The following ABCB9 variants were observed in gnomAD, a reference collection of about 807,000 sequenced individuals.
ABCB9 encodes the protein ATP binding cassette subfamily B member 9, also known as ABC-type oligopeptide transporter ABCB9.
ABCB9 carries 36 observed loss-of-function variants against 62.0 expected under a neutral mutation model. The ratio of observed to expected loss-of-function variants is 0.58; its 90% CI spans 0.45 to 0.77. The LOEUF is 0.77. Ranked by LOEUF, ABCB9 falls within the 30% of genes least tolerant of loss-of-function variation. ABCB9 has a pLI of 0.00. For missense variants in ABCB9, 943 were observed against 1,054.7 expected, an observed-to-expected ratio of 0.89 and a Z score of 1.47; for synonymous variants, 435 against 461.4, an observed-to-expected ratio of 0.94 and a Z score of 0.73.
In ABCB9 at chr12:122,947,471, C is replaced by A. The variant is rs1217593136; in HGVS notation, c.1053+1153G>T. On this transcript the variant is annotated intron_variant, in intron 5 of 11. Transcript: ENST00000280560. The surrounding 1 kb of genome is among the most constrained non-coding windows in gnomAD (Gnocchi z 6.0). ...GGCTCCAATGGAGCTGCGACAATGA[C>A]TTACCCGGCACCACCTGGAGGCCGT... 1 of 454,890 alleles carries A rather than the reference C, an allele frequency of 2.2e-6. No individual in the cohort carries two copies. The highest frequency in any genetic ancestry group is 2.4e-5 in the Admixed American group (1 of 42,486). The allele number at this position is 454,890 out of a possible 1,614,324, so 28.2% of individuals were successfully genotyped here. A position where few individuals can be genotyped will look rare whatever the true frequency, so the allele number is the denominator to read the frequency against.
At chr12:122,945,366 G>A (rs1434237093) in intron 6 of ABCB9, among the ~76,000 whole-genome samples, 1 of 152,098 alleles carries the variant, frequency 6.6e-6, no homozygotes, top group African/African-American at 2.4e-5. Context: ...CATGATCCAA[G>A]TGCTCCCCAT....
Position 122,928,994 on chromosome 12 carries a change from AG to A in ABCB9, c.*916del. 2.0e-6 allele frequency: 2 copies of A among 985,872 alleles called. No individual in the cohort carries two copies. The highest frequency in any genetic ancestry group is 1.7e-5 in the African/African-American group (1 of 57,348). The allele number at this position is 985,872 out of a possible 1,614,324, so 61.1% of individuals were successfully genotyped here. A position where few individuals can be genotyped will look rare whatever the true frequency, so the allele number is the denominator to read the frequency against. On this transcript the variant is annotated 3_prime_UTR_variant, in exon 12 of 12. Coordinates refer to ENST00000280560, the MANE Select transcript of ABCB9 (RefSeq NM_019625.4). ...TTGGCCCAAGTAGAAGTCAGAGGTT[AG>A]GGGTAAGAGGTAGTACACTTTATTG... is the stretch of plus-strand genomic sequence containing the variant.
At position 122,959,879 on chromosome 12, in the gene ABCB9, C is replaced by G. The variant is rs2036801415; in HGVS notation, c.357G>C (p.Leu119=). The change falls in exon 2 of 12, where the codon CTG becomes CTC. Residue 119 remains leucine, a synonymous_variant. Transcript: ENST00000280560. This position sits in a 1 kb window ranked among gnomAD's most constrained non-coding sequence, Gnocchi z 5.4. ...RPIRDPWFWA[L]FVWTYISLGA... ...CGAGTGAAATGTACGTCCACACGAA[C>G]AGGGCCCAAAACCAGGGGTCCCGGA... The G allele has an allele frequency of 1.2e-6, 2 of 1,613,452 alleles. No individual in the cohort carries two copies. Among genetic ancestry groups the G allele is most frequent in the African/African-American group, 2.7e-5 (2 of 74,942 alleles).
upstream of ABCB9, chr12:122,966,509 C>T (rs2135936764): frequency 7.1e-6 from 1 of 141,796 alleles, no homozygotes. Context: ...GCCTCAGTGA[C>T]GGAGGGGGCG....
intron 9 of ABCB9, among the ~76,000 whole-genome samples, chr12:122,936,920 A>AT (rs2035486193): frequency 1.3e-5 from 2 of 151,002 alleles, no homozygotes; most frequent in Non-Finnish European, 3.0e-5. Flanking sequence ...AAAAAAAAAA[A>AT]TTGACCAGAT....
Position 122,950,511 on chromosome 12 carries a change from T to G in ABCB9, c.656A>C (p.Gln219Pro). The G allele has an allele frequency of 6.2e-7, 1 of 1,613,456 alleles. No individual in the cohort carries two copies. The highest frequency in any genetic ancestry group is 8.5e-7 in the Non-Finnish European group (1 of 1,179,998). The change falls in exon 3 of 12, where the codon CAG becomes CCG. Residue 219 changes from glutamine to proline, a missense_variant. Physicochemically the swap from Gln to Pro is moderately conservative, Grantham distance 76 (BLOSUM62 -1). Transcript: ENST00000280560. ...TGRAIDGIVI[Q>P]KSMDQFSTAV... ...CGTGCTGAACTGATCCATGCTTTTCTGGATGACGATGCCATCAATGGCGCG... is the reference window on the plus strand; with the variant it reads ...CGTGCTGAACTGATCCATGCTTTTCGGGATGACGATGCCATCAATGGCGCG...
intron 3 of ABCB9, 45 bp downstream of exon 3, chr12:122,950,406 C>A: frequency 6.5e-7 from 1 of 1,538,270 alleles, no homozygotes. Context: ...CTCCCTGGTG[C>A]AGGTCGGGGT....
chr12:122,966,261 A>G (rs2037169077), intron 1 of ABCB9, 26 bp downstream of exon 1: 1 of 152,182 alleles, frequency 6.6e-6, no homozygotes, highest in African/African-American at 2.4e-5. Context: ...TCCCAAAACC[A>G]GGGGTCTAGG....
upstream of ABCB9, among the ~76,000 whole-genome samples, chr12:122,967,757 G>T (rs1262570880): frequency 6.6e-6 from 1 of 152,190 alleles, no homozygotes; most frequent in East Asian, 1.9e-4. Context: ...CCAAACTGCT[G>T]GGATTAGAGT....
intron 6 of ABCB9, among the ~76,000 whole-genome samples, chr12:122,945,773 G>C (rs1344439063): frequency 6.6e-6 from 1 of 151,658 alleles, no homozygotes; most frequent in Admixed American, 6.6e-5. Flanking sequence ...AGCTATGCAG[G>C]AGGCTGAGGC....
intron 5 of ABCB9, chr12:122,946,596 T>C: frequency 3.6e-6 from 1 of 278,552 alleles, no homozygotes; most frequent in Non-Finnish European, 7.0e-6. Flanking sequence ...GGGGATGCCT[T>C]GGACGGTTGT....
At chr12:122,968,461 G>A (rs575097908), upstream of ABCB9, among the ~76,000 whole-genome samples, 34 of 152,168 alleles carry the variant, frequency 2.2e-4, no homozygotes, top group Non-Finnish European at 4.9e-4. Flanking sequence ...TAGGAGAGAT[G>A]GGATGACTGA....
In ABCB9 at chr12:122,964,782, C is replaced by T. The variant is rs1166755354; in HGVS notation, c.-88+1505G>A. Among the ~76,000 whole-genome samples the T allele has an allele frequency of 6.6e-6, 1 of 152,214 alleles. No homozygotes were observed. Among genetic ancestry groups the T allele is most frequent in the African/African-American group, 2.4e-5 (1 of 41,446 alleles). ...AGAATAGGCCCCACCCAGAACCGGA[C>T]AAGGCCCAGGAAGACAGGGGTGGCT... On this transcript the variant is annotated intron_variant, in intron 1 of 11. Transcript: ENST00000280560. The surrounding 1 kb of genome is among the most constrained non-coding windows in gnomAD (Gnocchi z 4.7).
intron 5 of ABCB9, among the ~76,000 whole-genome samples, chr12:122,946,649 C>T (rs564538596): frequency 6.6e-6 from 1 of 152,348 alleles, no homozygotes; most frequent in African/African-American, 2.4e-5. Context: ...ATTAAAGGGG[C>T]ACCATTTACA....
Position 122,950,536 on chromosome 12 carries a change from G to C in ABCB9, c.631C>G (p.Arg211Gly). The C allele has an allele frequency of 3.1e-6, 5 of 1,613,002 alleles. No homozygotes were observed. The South Asian group carries it at 5.5e-5, about 18-fold the overall frequency. ...TGGATGACGATGCCATCAATGGCGC[G>C]GCCCGTGTAGTAGGGCAGGAAGGTC... ...GETFLPYYTG[R>G]AIDGIVIQKS... Residue 211 changes from arginine to glycine, a missense_variant, in exon 3 of 12, where the codon CGC (arginine) becomes GGC (glycine). By Grantham distance (125) the Arg-to-Gly change is moderately radical. Coordinates refer to ENST00000280560, the MANE Select transcript of ABCB9 (RefSeq NM_019625.4).
At chr12:122,921,739 T>C (rs1419591680) in intron 11 of ABCB9, among the ~76,000 whole-genome samples, 1 of 152,126 alleles carries the variant, frequency 6.6e-6, no homozygotes, top group Non-Finnish European at 1.5e-5. Flanking sequence ...ATCGCGCCAC[T>C]GCACTCTACC....
downstream of ABCB9, among the ~76,000 whole-genome samples, chr12:122,925,947 T>C (rs1403187640): frequency 5.3e-5 from 8 of 152,154 alleles, no homozygotes; most frequent in Non-Finnish European, 8.8e-5. Context: ...TGCCACAACA[T>C]GGTTGGACCT....
At position 122,929,477 on chromosome 12, in the gene ABCB9, C is replaced by T. The variant is rs1461968671; in HGVS notation, c.*434G>A. 1 of 992,120 alleles carries T rather than the reference C, an allele frequency of 1.0e-6. No homozygotes were observed. The highest frequency in any genetic ancestry group is 1.2e-6 in the Non-Finnish European group (1 of 834,494). The allele number at this position is 992,120 out of a possible 1,614,324, so 61.5% of individuals were successfully genotyped here. On this transcript the variant is annotated 3_prime_UTR_variant, in exon 12 of 12. Coordinates refer to ENST00000280560, the MANE Select transcript of ABCB9 (RefSeq NM_019625.4). This position sits in a 1 kb window ranked among gnomAD's most constrained non-coding sequence, Gnocchi z 6.0. ...GGGGTAAAGGGGAGAGGCCTAGTCT[C>T]TGGACATCCCCCAGGCTACTAAGGA...
chr12:122,929,714 C>T lies in ABCB9; in HGVS notation c.*197G>A. 7.4e-7 allele frequency: 1 copy of T among 1,346,710 alleles called. No individual in the cohort carries two copies. Among genetic ancestry groups the T allele is most frequent in the Non-Finnish European group, 9.6e-7 (1 of 1,046,534 alleles). 83.4% of individuals were successfully genotyped at this position (1,346,710 alleles called of 1,614,324 possible). A position where few individuals can be genotyped will look rare whatever the true frequency, so the allele number is the denominator to read the frequency against. On this transcript the variant is annotated 3_prime_UTR_variant, in exon 12 of 12. Transcript: ENST00000280560. This position sits in a 1 kb window ranked among gnomAD's most constrained non-coding sequence, Gnocchi z 6.0. Reference sequence around the variant, plus strand: ...GGTCCGTGAAGGCGTTGGCTCAGGGCAGCAGGGGTAAGGAGTGCCCTGGGA... The same window carrying T: ...GGTCCGTGAAGGCGTTGGCTCAGGGTAGCAGGGGTAAGGAGTGCCCTGGGA...
Sources: allele counts gnomAD v4.1 joint callset (sites outside exome capture counted in the v4.1 genomes callset), GRCh38; gene constraint gnomAD v4.1.1; non-coding constraint Gnocchi (gnomAD v3.1); transcripts MANE v1.5; gene names NCBI Gene and HGNC (gene_info 2026-07-23, HGNC 2026-07-21).